KMT2D: variants seen among roughly 807,000 people sequenced by gnomAD.
KMT2D encodes the protein histone-lysine N-methyltransferase 2D.
Under a neutral mutation model 512.7 loss-of-function variants are expected in KMT2D, and 55 were observed. That is an observed-to-expected ratio of 0.11 (90% confidence interval 0.09 to 0.13). The LOEUF is 0.13. KMT2D is among the 10% of genes least tolerant of loss of function. The pLI is 1.00. For synonymous variants in KMT2D, 2,995 were observed against 2,904.0 expected (o/e 1.03, Z -1.01); for missense variants, 6,061 against 7,127.9 (o/e 0.85, Z 5.39).
rs1410821210 is a variant in KMT2D, at chr12:49,054,689, C to T, written c.239G>A (p.Arg80Gln). 4.3e-6 allele frequency: 7 copies of T among 1,612,902 alleles called. No homozygotes were observed. The highest frequency in any genetic ancestry group is 4.5e-5 in the East Asian group (2 of 44,818). ...NCGEPSLHGQ[R>Q]ELRRFELPFD... ...TGGCAACTCAAAGCGCCGTAGCTCC[C>T]GCTGCCCGTGTAGACTGGGCTCCCC... Residue 80 changes from arginine to glutamine, a missense_variant, in exon 4 of 55, where the codon CGG becomes CAG. This residue lies in a region of KMT2D where 144 missense variants were observed against 165.7 expected (regional missense o/e 0.87). Coordinates refer to ENST00000301067, the MANE Select transcript of KMT2D (RefSeq NM_003482.4). The surrounding 1 kb of genome is among the most constrained non-coding windows in gnomAD (Gnocchi z 6.4).
rs2120518054 is a variant in KMT2D at position 49,039,848 on chromosome 12, G to C, written c.7922C>G (p.Pro2641Arg). 2 of 1,614,060 alleles carry C rather than the reference G, an allele frequency of 1.2e-6. No individual in the cohort carries two copies. Among genetic ancestry groups the C allele is most frequent in the Non-Finnish European group, 1.7e-6 (2 of 1,179,898 alleles). ...GASQRSGITS[P>R]VEKREDPGTG... ...CCCTGGGTCTTCTCGCTTTTCGACA[G>C]GAGAGGTGATGCCTGATCGCTGTGA... Residue 2641 changes from proline (P) to arginine (R), a missense_variant, in exon 32 of 55, where the codon CCT becomes CGT. By Grantham distance (103) the Pro-to-Arg change is moderately radical (BLOSUM62 -2). Around this residue, in one of 16 missense-constraint regions of KMT2D, gnomAD observed 527 missense variants for 578.9 expected, o/e 0.91. Coordinates refer to ENST00000301067, the MANE Select transcript of KMT2D (RefSeq NM_003482.4). The surrounding 1 kb of genome is among the most constrained non-coding windows in gnomAD (Gnocchi z 5.0).
chr12:49,054,266 G>A lies in KMT2D; in HGVS notation c.510+41C>T, dbSNP rs1278281176. 1 of 1,547,546 alleles carries A rather than the reference G, an allele frequency of 6.5e-7. No homozygotes were observed. Among genetic ancestry groups the A allele is most frequent in the Non-Finnish European group, 8.8e-7 (1 of 1,141,312 alleles). On this transcript the variant is annotated intron_variant, in intron 5 of 54. Transcript: ENST00000301067. This position sits in a 1 kb window ranked among gnomAD's most constrained non-coding sequence, Gnocchi z 6.4. The stretch of plus-strand genomic sequence containing the variant: ...CAACCTGACTCTCAGAAGCCCACCA[G>A]CCCTGCCCTTCACCTATGCAATCCC...
rs2120581468 is a variant in KMT2D at position 49,044,328 on chromosome 12, T to C, written c.5084-24A>G. On this transcript the variant is annotated intron_variant, in intron 21 of 54. Transcript: ENST00000301067. The surrounding 1 kb of genome is among the most constrained non-coding windows in gnomAD (Gnocchi z 6.4). Reference sequence around the variant, plus strand: ...GCCTATGAGGAGGCAGAGTTGTGGATGAGAAGCCGCTGGGGGACCTATTGA... The same window carrying C: ...GCCTATGAGGAGGCAGAGTTGTGGACGAGAAGCCGCTGGGGGACCTATTGA... 1.9e-6 allele frequency: 3 copies of C among 1,613,674 alleles called. No homozygotes were observed. The highest frequency in any genetic ancestry group is 2.5e-6 in the Non-Finnish European group (3 of 1,179,622).
In KMT2D at chr12:49,020,986, AC is replaced by A. The variant is rs747292711; in HGVS notation, c.*793del. On this transcript the variant is annotated 3_prime_UTR_variant, in exon 55 of 55. Transcript: ENST00000301067. ...TGTTGTTGTTTTTCTTCCTCCTCCT[AC>A]CCCCCTTCCACCCACTCAGAAGAGG... 2 of 193,420 alleles carry A rather than the reference AC, an allele frequency of 1.0e-5. No individual in the cohort carries two copies. The highest frequency in any genetic ancestry group is 2.2e-5 in the Non-Finnish European group (2 of 92,952). The allele number at this position is 193,420 out of a possible 1,614,324, so 12.0% of individuals were successfully genotyped here. A position where few individuals can be genotyped will look rare whatever the true frequency, so the allele number is the denominator to read the frequency against.
rs764131120 is a variant in KMT2D, at chr12:49,040,142, C to T, written c.7628G>A (p.Gly2543Glu). The change falls in exon 32 of 55, where the codon GGG becomes GAG. Residue 2543 changes from glycine to glutamate, a missense_variant. Physicochemically the swap from Gly to Glu is moderately conservative, Grantham distance 98 (BLOSUM62 -2). Coordinates refer to ENST00000301067, the MANE Select transcript of KMT2D (RefSeq NM_003482.4). The part of the protein sequence containing the change: ...PMRFTFPQAV[G>E]EPSLKPPVPQ... ...GACAGGGGGCTTTAGGGAAGGCTCC[C>T]CTACTGCCTGAGGGAAAGTGAAACG... 6.2e-7 allele frequency: 1 copy of T among 1,613,848 alleles called. No homozygotes were observed. The highest frequency in any genetic ancestry group is 8.5e-7 in the Non-Finnish European group (1 of 1,179,840).
Position 49,031,253 on chromosome 12 carries a change from T to C in KMT2D, c.13452A>G (p.Arg4484=), listed in dbSNP as rs1233754147. The change falls in exon 40 of 55, where the codon CGA becomes CGG. Residue 4484 remains arginine (R), a synonymous_variant. Coordinates refer to ENST00000301067, the MANE Select transcript of KMT2D (RefSeq NM_003482.4). The part of the protein sequence containing the change: ...LSTGRGSEGL[R]AEINGHIDSK... ...TGTCAATGTGCCCGTTGATCTCAGC[T>C]CGCAGCCCCTCGGACCCCCGCCCAG... 2 of 1,613,060 alleles carry C rather than the reference T, an allele frequency of 1.2e-6. No individual in the cohort carries two copies. Among genetic ancestry groups the C allele is most frequent in the African/African-American group, 2.7e-5 (2 of 74,928 alleles).
intron 1 of KMT2D, among the ~76,000 whole-genome samples, chr12:49,059,215 C>G (rs1323713887): frequency 1.3e-5 from 2 of 152,122 alleles, no homozygotes. Context: ...GTGACACCCT[C>G]CCCCACCATC....
chr12:49,027,651 C>T (rs1219661134), intron 48 of KMT2D, among the ~76,000 whole-genome samples, 152 bp downstream of exon 48: 2 of 152,030 alleles, frequency 1.3e-5, no homozygotes, highest in African/African-American at 2.4e-5. Context: ...GACGGGGTTT[C>T]GCCATGTTGG....
In KMT2D at chr12:49,020,705, G is replaced by A; in HGVS notation, c.*1075C>T. 1 of 208,682 alleles carries A rather than the reference G, an allele frequency of 4.8e-6. No homozygotes were observed. The highest frequency in any genetic ancestry group is 7.1e-5 in the East Asian group (1 of 14,164). The allele number at this position is 208,682 out of a possible 1,614,324, so 12.9% of individuals were successfully genotyped here. ...GGCCACACCCTGCCTCACTAGGTAT[G>A]GGCATGCCACTCAGGGATAGCCCTC... On this transcript the variant is annotated 3_prime_UTR_variant, in exon 55 of 55. Coordinates refer to ENST00000301067, the MANE Select transcript of KMT2D (RefSeq NM_003482.4).
chr12:49,022,848 C>T lies in KMT2D; in HGVS notation c.16080G>A (p.Met5360Ile). Residue 5360 changes from methionine to isoleucine, a missense_variant, in exon 52 of 55, where the codon ATG becomes ATA. This residue lies in a region of KMT2D where 261 missense variants were observed against 440.7 expected (regional missense o/e 0.59). Transcript: ENST00000301067. This position sits in a 1 kb window ranked among gnomAD's most constrained non-coding sequence, Gnocchi z 8.6. ...KRPHTLNSTS[M>I]SKAYQSTFTG... Reference sequence around the variant, plus strand: ...TGAAGGTGCTCTGATATGCCTTAGACATGCTGGTGCTGTTCAGGGTATGGG... The same window carrying T: ...TGAAGGTGCTCTGATATGCCTTAGATATGCTGGTGCTGTTCAGGGTATGGG... 3 of 1,608,546 alleles carry T rather than the reference C, an allele frequency of 1.9e-6. No individual in the cohort carries two copies. The highest frequency in any genetic ancestry group is 2.6e-6 in the Non-Finnish European group (3 of 1,176,000).
rs2120704351 is a variant in KMT2D at position 49,054,089 on chromosome 12, C to G, written c.562G>C (p.Gly188Arg). The change falls in exon 6 of 55, where the codon GGA becomes CGA. Residue 188 changes from glycine to arginine, a missense_variant. By Grantham distance (125) the Gly-to-Arg change is moderately radical. Transcript: ENST00000301067. The surrounding 1 kb of genome is among the most constrained non-coding windows in gnomAD (Gnocchi z 6.4). ...LGASIPCRSP[G>R]CPRLYHFPCA... is the part of the protein sequence containing the mutation. ...GGGAAGTGGTAAAGCCGTGGACATCCAGGTGAGCGGCAAGGGATGGAGGCA... is the reference window on the plus strand; with the variant it reads ...GGGAAGTGGTAAAGCCGTGGACATCGAGGTGAGCGGCAAGGGATGGAGGCA... The G allele has an allele frequency of 6.2e-7, 1 of 1,613,666 alleles. No individual in the cohort carries two copies. Among genetic ancestry groups the G allele is most frequent in the Non-Finnish European group, 8.5e-7 (1 of 1,179,732 alleles).
Position 49,041,644 on chromosome 12 carries a change from G to A in KMT2D, c.6234+11C>T, listed in dbSNP as rs766479708. The A allele has an allele frequency of 1.4e-5, 23 of 1,613,326 alleles. No individual in the cohort carries two copies. Among genetic ancestry groups the A allele is most frequent in the Non-Finnish European group, 1.9e-5 (23 of 1,179,608 alleles). ...TAGAGGACTGCTACACCCCAGCCCA[G>A]CCCCACTCACCTTCTGCACCTTGTT... On this transcript the variant is annotated intron_variant, in intron 31 of 54. Transcript: ENST00000301067. The surrounding 1 kb of genome is among the most constrained non-coding windows in gnomAD (Gnocchi z 5.4).
rs2120393807 is a variant in KMT2D at position 49,029,201 on chromosome 12, C to A, written c.14111G>T (p.Ser4704Ile). The change falls in exon 45 of 55, where the codon AGC (serine) becomes ATC (isoleucine). Residue 4704 changes from serine (S) to isoleucine (I), a missense_variant. Physicochemically the swap from Ser to Ile is moderately radical, Grantham distance 142. Coordinates refer to ENST00000301067, the MANE Select transcript of KMT2D (RefSeq NM_003482.4). ...CTCAGGGGATGAAGCTGGCACAATG[C>A]TGTCAGGAGAATCGCTATCCTCATC... Reference protein sequence around the residue: ...ESDEDSDSPDSIVPASSPESI... With the variant: ...ESDEDSDSPDIIVPASSPESI... 6.2e-7 allele frequency: 1 copy of A among 1,613,906 alleles called. No homozygotes were observed. Among genetic ancestry groups the A allele is most frequent in the Non-Finnish European group, 8.5e-7 (1 of 1,179,796 alleles).
rs2120582129 is a variant in KMT2D, at chr12:49,044,355, C to T, written c.5083+48G>A. ...AGAAGCCGCTGGGGGACCTATTGAG[C>T]TGCCCCGCACCACCCCACCACCCCA... On this transcript the variant is annotated intron_variant, in intron 21 of 54. Transcript: ENST00000301067. This position sits in a 1 kb window ranked among gnomAD's most constrained non-coding sequence, Gnocchi z 6.4. 1 of 1,613,484 alleles carries T rather than the reference C, an allele frequency of 6.2e-7. No individual in the cohort carries two copies. The highest frequency in any genetic ancestry group is 1.1e-5 in the South Asian group (1 of 91,060).
intron 14 of KMT2D, 99 bp from the exon 15 acceptor site, chr12:49,048,168 T>G: frequency 1.3e-6 from 1 of 765,858 alleles, no homozygotes; most frequent in Non-Finnish European, 2.2e-6. Context: ...GCGACCAGAG[T>G]CAGGAACCCC....
chr12:49,027,344 CATT>C (rs1251745663), intron 48 of KMT2D, 22 bp from the exon 49 acceptor site: 1 of 1,502,906 alleles, frequency 6.7e-7, no homozygotes, highest in African/African-American at 1.4e-5. Context: ...TGCCCTGTAT[CATT>C]AGTGCCAGCT....
rs2120544420 is a variant in KMT2D, at chr12:49,041,281, G to A, written c.6489C>T (p.Leu2163=). The change falls in exon 32 of 55, where the codon CTC becomes CTT. Residue 2163 remains leucine (L), a synonymous_variant. Coordinates refer to ENST00000301067, the MANE Select transcript of KMT2D (RefSeq NM_003482.4). This position sits in a 1 kb window ranked among gnomAD's most constrained non-coding sequence, Gnocchi z 5.4. Reference sequence around the variant, plus strand: ...GCACTTGGGCGGGCACCTGGGGTGGGAGCTTGAGGAAGAGCTCACCAGGCG... The same window carrying A: ...GCACTTGGGCGGGCACCTGGGGTGGAAGCTTGAGGAAGAGCTCACCAGGCG... ...PDSPGELFLK[L]PPQVPAQVPS... 6.6e-7 allele frequency: 1 copy of A among 1,521,370 alleles called. No homozygotes were observed. Among genetic ancestry groups the A allele is most frequent in the Non-Finnish European group, 8.8e-7 (1 of 1,137,986 alleles). The allele number at this position is 1,521,370 out of a possible 1,614,324, so 94.2% of individuals were successfully genotyped here.
At chr12:49,047,938 C>G (rs2120619374) in intron 15 of KMT2D, 27 bp downstream of exon 15, 15 of 1,505,194 alleles carry the variant, frequency 1.0e-5, no homozygotes, top group Non-Finnish European at 1.2e-5. Context: ...TATTCCCCAG[C>G]CTACACCTCT....
Position 49,026,257 on chromosome 12 carries a change from C to T in KMT2D, c.15709G>A (p.Gly5237Arg), listed in dbSNP as rs2137715002. The T allele has an allele frequency of 3.7e-6, 6 of 1,606,924 alleles. No individual in the cohort carries two copies. The highest frequency in any genetic ancestry group is 4.3e-6 in the Non-Finnish European group (5 of 1,173,880). Reference sequence around the variant, plus strand: ...ACTTTGATTACAAACTCCGGCCGCCCGTTGTTCTCACCAATAGAACAGCGA... The same window carrying T: ...ACTTTGATTACAAACTCCGGCCGCCTGTTGTTCTCACCAATAGAACAGCGA... ...CYRCSIGENNGRPEFVIKVIE... is the reference protein window; with the variant it reads ...CYRCSIGENNRRPEFVIKVIE... Residue 5237 changes from glycine to arginine, a missense_variant, in exon 49 of 55, where the codon GGG becomes AGG. Physicochemically the swap from Gly to Arg is moderately radical, Grantham distance 125 (BLOSUM62 -2). Around this residue, in one of 16 missense-constraint regions of KMT2D, gnomAD observed 261 missense variants for 440.7 expected, o/e 0.59. Transcript: ENST00000301067. The surrounding 1 kb of genome is among the most constrained non-coding windows in gnomAD (Gnocchi z 9.6).
Sources: gnomAD v4.1 joint callset for allele counts (sites outside exome capture counted in the v4.1 genomes callset) on GRCh38, gnomAD v4.1.1 for gene constraint, gnomAD v4.1.1 regional missense constraint, Gnocchi (gnomAD v3.1) non-coding constraint, MANE v1.5 for transcripts, NCBI Gene and HGNC (gene_info 2026-07-23, HGNC 2026-07-21) for gene names.